The following GNAQ variants were observed in gnomAD, a reference collection of about 807,000 sequenced individuals.
GNAQ encodes guanine nucleotide-binding protein G(q) subunit alpha.
Under a neutral mutation model 43.9 loss-of-function variants are expected in GNAQ, and 8 were observed. The observed-to-expected ratio is 0.18, with a 90% CI of 0.11 to 0.33. The LOEUF is 0.33. GNAQ is among the 10% of genes least tolerant of loss of function. GNAQ has a pLI of 1.00. For missense variants in GNAQ, 158 were observed against 450.8 expected (o/e 0.35, Z 5.88); for synonymous variants, 155 against 170.7 (o/e 0.91, Z 0.71).
chr9:77,858,991 C>T (rs1827801943), intron 2 of GNAQ, among the ~76,000 whole-genome samples: 2 of 152,146 alleles, frequency 1.3e-5, no homozygotes, highest in Admixed American at 1.3e-4. Flanking sequence ...ATCACACTAG[C>T]TATAAATGTC....
chr9:77,761,431 C>T (rs1388043576), intron 5 of GNAQ, among the ~76,000 whole-genome samples: 5 of 141,086 alleles, frequency 3.5e-5, no homozygotes, highest in African/African-American at 1.3e-4. Flanking sequence ...GGCCAGCCGC[C>T]CCTTCCGGGA....
intron 5 of GNAQ, among the ~76,000 whole-genome samples, chr9:77,761,535 C>A (rs1169357432): frequency 0.01 from 1,437 of 139,902 alleles, no homozygotes; most frequent in Admixed American, 0.068. Flanking sequence ...CCGCCCCGTC[C>A]GGGAGGGAGG....
intron 2 of GNAQ, among the ~76,000 whole-genome samples, chr9:77,854,154 T>C (rs772549259): frequency 5.9e-5 from 9 of 152,242 alleles, no homozygotes; most frequent in Non-Finnish European, 1.3e-4. Context: ...TAGAGGACTA[T>C]GAAGTTTGCT....
intron 5 of GNAQ, among the ~76,000 whole-genome samples, chr9:77,753,938 CTT>C (rs1478140770): frequency 2.0e-5 from 3 of 152,172 alleles, no homozygotes; most frequent in Admixed American, 6.5e-5. Flanking sequence ...ATCACTTTCT[CTT>C]GTTTGTGTGT....
chr9:77,876,231 C>T lies in GNAQ; in HGVS notation c.321+45930G>A, dbSNP rs1176932269. Among the ~76,000 whole-genome samples, 8 of 152,190 alleles carry T rather than the reference C, an allele frequency of 5.3e-5. No homozygotes were observed. In the South Asian group the frequency reaches 6.2e-4, roughly 12 times the overall value. ...AGAATGCAAATTCCTCTAGATTTCCCGGAGGAGCTGTCTCCTTTCCTCCTC... is the reference window on the plus strand; with the variant it reads ...AGAATGCAAATTCCTCTAGATTTCCTGGAGGAGCTGTCTCCTTTCCTCCTC... On this transcript the variant is annotated intron_variant, in intron 2 of 6. Transcript: ENST00000286548.
At chr9:77,834,106 G>A (rs920929397) in intron 2 of GNAQ, among the ~76,000 whole-genome samples, 1 of 152,122 alleles carries the variant, frequency 6.6e-6, no homozygotes, top group African/African-American at 2.4e-5. Flanking sequence ...TAGGAAATAA[G>A]TAATAATAAT....
intron 1 of GNAQ, among the ~76,000 whole-genome samples, chr9:78,028,596 A>G (rs993028112): frequency 6.6e-6 from 1 of 152,204 alleles, no homozygotes; most frequent in Non-Finnish European, 1.5e-5. Flanking sequence ...ATTGATTTTC[A>G]TTTCAAAATA....
chr9:77,840,353 G>T lies in GNAQ; in HGVS notation c.322-24583C>A, dbSNP rs201371056. Among the ~76,000 whole-genome samples the T allele has an allele frequency of 1.0e-3, 146 of 142,358 alleles. 1 individual carries two copies. The highest frequency in any genetic ancestry group is 1.5e-3 in the Non-Finnish European group (96 of 65,764). 93.4% of individuals were successfully genotyped at this position (142,358 alleles called of 152,430 possible). A position where few individuals can be genotyped will look rare whatever the true frequency, so the allele number is the denominator to read the frequency against. ...AGATGTGTGCATTTGATTACTTTTT[G>T]TTTTTTTTTTTTTTTAGACGGAGTC... On this transcript the variant is annotated intron_variant, in intron 2 of 6. Transcript: ENST00000286548.
Position 77,716,852 on chromosome 9 carries a change from T to G in GNAQ, c.*4471A>C, listed in dbSNP as rs1249474430. 4.3e-6 allele frequency: 1 copy of G among 232,774 alleles called. No homozygotes were observed. The highest frequency in any genetic ancestry group is 2.2e-5 in the African/African-American group (1 of 45,324). 14.4% of individuals were successfully genotyped at this position (232,774 alleles called of 1,614,324 possible). On this transcript the variant is annotated 3_prime_UTR_variant, in exon 7 of 7. Coordinates refer to ENST00000286548, the MANE Select transcript of GNAQ (RefSeq NM_002072.5). ...GAAATTAATATTTGAGCACCTACTA[T>G]GTGCTAGGTGTGTATTCATACTTTG...
intron 2 of GNAQ, among the ~76,000 whole-genome samples, chr9:77,905,891 G>A (rs1422837852): frequency 1.3e-5 from 2 of 152,076 alleles, no homozygotes; most frequent in Admixed American, 1.3e-4. Context: ...GAGAACACAT[G>A]GACACAGGAA....
chr9:77,851,650 C>T (rs1827677191), intron 2 of GNAQ, among the ~76,000 whole-genome samples: 1 of 152,208 alleles, frequency 6.6e-6, no homozygotes, highest in Admixed American at 6.5e-5. Context: ...CTCCTGATCC[C>T]TCCTGTCAGT....
At chr9:77,922,514 G>C (rs539474068) in intron 1 of GNAQ, among the ~76,000 whole-genome samples, 169 bp from the exon 2 acceptor site, 2 of 152,140 alleles carry the variant, frequency 1.3e-5, no homozygotes, top group Non-Finnish European at 2.9e-5. Context: ...AAATTAGAGG[G>C]AGAGAGTCTA....
chr9:77,892,466 G>C (rs1026639893), intron 2 of GNAQ, among the ~76,000 whole-genome samples: 10 of 152,164 alleles, frequency 6.6e-5, no homozygotes, highest in Admixed American at 5.9e-4. Context: ...ACCCACACTG[G>C]TTTCTTCTAG....
At chr9:77,941,025 A>G (rs556185763) in intron 1 of GNAQ, among the ~76,000 whole-genome samples, 1 of 151,506 alleles carries the variant, frequency 6.6e-6, no homozygotes, top group Non-Finnish European at 1.5e-5. Context: ...GGGCAATTGG[A>G]AAAAAAAGTA....
At chr9:77,862,555 C>T (rs1470103053) in intron 2 of GNAQ, among the ~76,000 whole-genome samples, 3 of 152,184 alleles carry the variant, frequency 2.0e-5, no homozygotes, top group Non-Finnish European at 4.4e-5. Flanking sequence ...GCACCAAGTT[C>T]CTAGGGTGCA....
At chr9:77,900,048 C>G (rs1828576686) in intron 2 of GNAQ, among the ~76,000 whole-genome samples, 1 of 152,184 alleles carries the variant, frequency 6.6e-6, no homozygotes, top group African/African-American at 2.4e-5. Context: ...ACCAAGTTAA[C>G]AGAGTACTCA....
At chr9:77,934,953 C>T (rs1486993242) in intron 1 of GNAQ, among the ~76,000 whole-genome samples, 3 of 151,968 alleles carry the variant, frequency 2.0e-5, no homozygotes, top group East Asian at 3.9e-4. Flanking sequence ...GGTGGAACCC[C>T]GTCAATACTA....
At chr9:77,811,841 G>C (rs1240150567) in intron 3 of GNAQ, among the ~76,000 whole-genome samples, 1 of 152,122 alleles carries the variant, frequency 6.6e-6, no homozygotes, top group African/African-American at 2.4e-5. Flanking sequence ...CTGAAATGTG[G>C]GTCCAGTTAA....
intron 1 of GNAQ, among the ~76,000 whole-genome samples, chr9:78,002,265 GCA>G (rs1823653243): frequency 6.6e-6 from 1 of 152,060 alleles, no homozygotes; most frequent in Non-Finnish European, 1.5e-5. Flanking sequence ...AAGAATCTAT[GCA>G]CAGAGATTAT....
Sources: allele counts gnomAD v4.1 joint callset (sites outside exome capture counted in the v4.1 genomes callset), GRCh38; gene constraint gnomAD v4.1.1; transcripts MANE v1.5; gene names NCBI Gene and HGNC (gene_info 2026-07-23, HGNC 2026-07-21).